Variants in DLGAP2 observed in about 807,000 individuals in gnomAD.
The protein encoded by DLGAP2 is DLG associated protein 2.
DLGAP2 carries 26 observed loss-of-function variants against 100.3 expected under a neutral mutation model. The ratio of observed to expected loss-of-function variants is 0.26; its 90% CI spans 0.19 to 0.36. The LOEUF is 0.36. Ranked by LOEUF, DLGAP2 falls within the 10% of genes least tolerant of loss-of-function variation. The probability of loss-of-function intolerance (pLI) is 1.00; values close to 1 mark genes in which losing one functional copy is unlikely to be tolerated. For missense variants in DLGAP2, 1,858 were observed against 1,453.2 expected (o/e 1.28, Z -4.53); for synonymous variants, 886 against 630.1 (o/e 1.41, Z -6.08).
intron 2 of DLGAP2, among the ~76,000 whole-genome samples, chr8:1,104,475 C>T (rs755570966): frequency 6.6e-6 from 1 of 152,164 alleles, no homozygotes; most frequent in Admixed American, 6.5e-5. Flanking sequence ...GAGCAGATGC[C>T]TTAGGGGTGG....
chr8:1,550,039 C>CCCTCT (rs1207792349), intron 5 of DLGAP2, among the ~76,000 whole-genome samples: 1 of 152,208 alleles, frequency 6.6e-6, no homozygotes, highest in African/African-American at 2.4e-5. Context: ...CATCCCCAGT[C>CCCTCT]CCTCTGGTAA....
intron 2 of DLGAP2, among the ~76,000 whole-genome samples, chr8:1,071,653 A>AT (rs1190019955): frequency 2.6e-5 from 4 of 151,948 alleles, no homozygotes; most frequent in Non-Finnish European, 4.4e-5. Context: ...TTTAAGCCTT[A>AT]TTTTTTTAAG....
At position 1,253,960 on chromosome 8, in the gene DLGAP2, A is replaced by G. The variant is rs368475501; in HGVS notation, c.74-4891A>G. Among the ~76,000 whole-genome samples, 13 of 152,306 alleles carry G rather than the reference A, an allele frequency of 8.5e-5. No homozygotes were observed. In the East Asian group the frequency reaches 1.7e-3, roughly 20 times the overall value. On this transcript the variant is annotated intron_variant, in intron 2 of 14. Coordinates refer to ENST00000637795, the MANE Select transcript of DLGAP2 (RefSeq NM_001346810.2). ...AGATGAACTGTGGGGAAAGCCCTGA[A>G]TCTGTGGTCAGTTTTGACGCATATT...
chr8:1,579,649 C>T (rs915137212), intron 6 of DLGAP2, among the ~76,000 whole-genome samples: 1 of 152,160 alleles, frequency 6.6e-6, no homozygotes, highest in African/African-American at 2.4e-5. Context: ...AAAGACTATT[C>T]ATCTACCTTA....
intron 1 of DLGAP2, among the ~76,000 whole-genome samples, chr8:755,887 T>C: frequency 6.6e-6 from 1 of 152,134 alleles, no homozygotes; most frequent in East Asian, 1.9e-4. Flanking sequence ...CCAGAAACCA[T>C]GGCAGGGAAG....
At chr8:1,104,841 C>T (rs1487057746) in intron 2 of DLGAP2, 4 of 152,244 alleles carry the variant, frequency 2.6e-5, no homozygotes, top group African/African-American at 4.8e-5. Context: ...TTGCATCCCT[C>T]ACCAGAGAGC....
chr8:1,210,433 A>C (rs538547633), intron 2 of DLGAP2, among the ~76,000 whole-genome samples: 1 of 152,210 alleles, frequency 6.6e-6, no homozygotes, highest in Non-Finnish European at 1.5e-5. Flanking sequence ...AAGAGTTTCC[A>C]TGTTCATTCA....
intron 2 of DLGAP2, among the ~76,000 whole-genome samples, chr8:1,242,701 T>G (rs1798823675): frequency 3.9e-5 from 6 of 152,124 alleles, no homozygotes; most frequent in African/African-American, 1.2e-4. Context: ...GGACCCACAG[T>G]GAGTGAGTGC....
intron 2 of DLGAP2, among the ~76,000 whole-genome samples, chr8:1,041,712 G>A (rs1166804038): frequency 9.2e-6 from 1 of 108,770 alleles, no homozygotes; most frequent in African/African-American, 4.0e-5. Flanking sequence ...CTTGCCGTGG[G>A]TGAGTGTTCT....
intron 2 of DLGAP2, among the ~76,000 whole-genome samples, chr8:1,118,218 C>G (rs1186936851): frequency 7.2e-5 from 11 of 152,200 alleles, no homozygotes; most frequent in Admixed American, 7.2e-4. Context: ...TCTGGAGATT[C>G]TGAAGTCCCT....
chr8:887,711 T>C (rs1797949721), intron 1 of DLGAP2, among the ~76,000 whole-genome samples: 1 of 152,234 alleles, frequency 6.6e-6, no homozygotes, highest in Non-Finnish European at 1.5e-5. Context: ...CCCAGTCTCT[T>C]CTGGCGTGTA....
intron 2 of DLGAP2, among the ~76,000 whole-genome samples, chr8:1,066,474 G>A (rs192464179): frequency 7.0e-6 from 1 of 143,528 alleles, no homozygotes; most frequent in African/African-American, 2.6e-5. Context: ...GAGGACATGA[G>A]GACAGAGCCC....
rs552327486 is a variant in DLGAP2 at position 839,042 on chromosome 8, C to T, written c.19-68870C>T. ...ACATATGACCACAGTGGGATATCAC[C>T]TCACACCTGTTAGGATGGCTGTTAC... On this transcript the variant is annotated intron_variant, in intron 1 of 14. Coordinates refer to ENST00000637795, the MANE Select transcript of DLGAP2 (RefSeq NM_001346810.2). Among the ~76,000 whole-genome samples, 11 of 152,176 alleles carry T rather than the reference C, an allele frequency of 7.2e-5. No individual in the cohort carries two copies. In the South Asian group the frequency reaches 1.9e-3, roughly 26 times the overall value.
At chr8:1,026,303 G>C (rs78032224) in intron 2 of DLGAP2, among the ~76,000 whole-genome samples, 2 of 152,118 alleles carry the variant, frequency 1.3e-5, no homozygotes, top group Admixed American at 1.3e-4. Flanking sequence ...CCAACGCTTT[G>C]CTCTTCACGT....
At chr8:1,326,451 C>A (rs925566884) in intron 3 of DLGAP2, among the ~76,000 whole-genome samples, 15 of 152,158 alleles carry the variant, frequency 9.9e-5, no homozygotes, top group Non-Finnish European at 2.1e-4. Flanking sequence ...TCTGGGCCGC[C>A]CTGTCTTTCA....
intron 3 of DLGAP2, among the ~76,000 whole-genome samples, chr8:1,386,454 C>T (rs4458906): frequency 0.054 from 8,244 of 152,206 alleles, 499 homozygotes; most frequent in East Asian, 0.24. Context: ...TTCTCCAGAG[C>T]GGCAGGGACA....
chr8:1,515,379 CACATACATGA>C (rs751323541), intron 4 of DLGAP2, among the ~76,000 whole-genome samples: 4 of 152,234 alleles, frequency 2.6e-5, no homozygotes, highest in Non-Finnish European at 5.9e-5. Context: ...CATACACATG[CACATACATGA>C]ACACACAGGC....
intron 4 of DLGAP2, among the ~76,000 whole-genome samples, chr8:1,506,358 G>A (rs569271687): frequency 2.2e-4 from 33 of 152,180 alleles, no homozygotes; most frequent in African/African-American, 6.5e-4. Flanking sequence ...TCTCACTGAC[G>A]TCAAGAATGA....
rs192289073 is a variant in DLGAP2 at position 1,702,755 on chromosome 8, A to G, written c.*1349A>G. The G allele has an allele frequency of 6.4e-4, 97 of 152,426 alleles. No individual in the cohort carries two copies. The highest frequency in any genetic ancestry group is 2.3e-3 in the African/African-American group (95 of 41,590). The allele number at this position is 152,426 out of a possible 1,614,324, so 9.4% of individuals were successfully genotyped here. A position where few individuals can be genotyped will look rare whatever the true frequency, so the allele number is the denominator to read the frequency against. ...TGTTCTGACACGACTTCTGTTTCAC[A>G]GTTCAGACCGGTCTTCAAAGGAAAA... On this transcript the variant is annotated 3_prime_UTR_variant, in exon 15 of 15. Transcript: ENST00000637795.
Sources: allele counts gnomAD v4.1 joint callset (sites outside exome capture counted in the v4.1 genomes callset), GRCh38; gene constraint gnomAD v4.1.1; transcripts MANE v1.5; gene names NCBI Gene and HGNC (gene_info 2026-07-23, HGNC 2026-07-21).